TAFA2: variants seen among roughly 807,000 people sequenced by gnomAD.
TAFA2 encodes the protein chemokine-like protein TAFA-2.
A neutral mutation model predicts 18.8 loss-of-function variants in TAFA2; 7 were observed. That is an observed-to-expected ratio of 0.37 (90% CI 0.21 to 0.70). TAFA2 has a LOEUF of 0.70. Ranked by LOEUF, TAFA2 falls within the 30% of genes least tolerant of loss-of-function variation. The pLI is 0.53. For synonymous variants in TAFA2, 60 were observed against 54.2 expected (o/e 1.11, Z -0.47); for missense variants, 122 against 158.1 (o/e 0.77, Z 1.23).
chr12:62,085,131 T>G (rs964027399), intron 1 of TAFA2, among the ~76,000 whole-genome samples: 1 of 152,202 alleles, frequency 6.6e-6, no homozygotes, highest in Non-Finnish European at 1.5e-5. Context: ...AATTTTACTT[T>G]GTTGCTTCAT....
intron 1 of TAFA2, among the ~76,000 whole-genome samples, chr12:62,089,862 T>A (rs1868635594): frequency 6.6e-6 from 1 of 152,128 alleles, no homozygotes; most frequent in Admixed American, 6.5e-5. Context: ...ATATCATTCA[T>A]CTTGCCACCA....
intron 2 of TAFA2, among the ~76,000 whole-genome samples, chr12:61,848,546 C>T (rs1262631175): frequency 1.3e-5 from 2 of 151,974 alleles, no homozygotes; most frequent in African/African-American, 4.8e-5. Flanking sequence ...TTTGTTTTTA[C>T]TGTATGTTTT....
chr12:61,968,191 T>C (rs1245539028), intron 1 of TAFA2, among the ~76,000 whole-genome samples: 1 of 151,782 alleles, frequency 6.6e-6, no homozygotes, highest in Non-Finnish European at 1.5e-5. Context: ...CTTATTTTCT[T>C]TTTCTATATA....
At chr12:61,931,014 C>G (rs1592495413) in intron 1 of TAFA2, among the ~76,000 whole-genome samples, 2 of 152,314 alleles carry the variant, frequency 1.3e-5, no homozygotes, top group African/African-American at 4.8e-5. Flanking sequence ...AATGACTAGA[C>G]AGACAGATGA....
At chr12:62,021,995 C>A (rs1881157333) in intron 1 of TAFA2, 1 of 673,016 alleles carries the variant, frequency 1.5e-6, no homozygotes. Flanking sequence ...AGAGACTCTG[C>A]CTGGGCAATG....
At chr12:62,208,541 G>A (rs978614582) in intron 1 of TAFA2, among the ~76,000 whole-genome samples, 2 of 152,118 alleles carry the variant, frequency 1.3e-5, no homozygotes, top group East Asian at 1.9e-4. Context: ...AACTTGGTAG[G>A]CAGCAAGTAA....
intron 2 of TAFA2, among the ~76,000 whole-genome samples, chr12:61,797,088 T>C (rs1321016735): frequency 6.6e-6 from 1 of 152,180 alleles, no homozygotes; most frequent in African/African-American, 2.4e-5. Context: ...TCAGACTAGC[T>C]ACACTGGAAG....
In TAFA2 at chr12:61,939,953, T is replaced by A. The variant is rs1303586982; in HGVS notation, c.-1-72527A>T. Reference sequence around the variant, plus strand: ...CCTACAGAGAAACATGACAATAGATTTAACAGTGTTGTCTTACTCAGCTTC... The same window carrying A: ...CCTACAGAGAAACATGACAATAGATATAACAGTGTTGTCTTACTCAGCTTC... On this transcript the variant is annotated intron_variant, in intron 1 of 4. Transcript: ENST00000416284. 3.9e-5 allele frequency among the ~76,000 whole-genome samples: 6 copies of A among 152,218 alleles called. No individual in the cohort carries two copies. The East Asian group carries it at 1.2e-3, about 29-fold the overall frequency.
intron 2 of TAFA2, among the ~76,000 whole-genome samples, chr12:61,788,620 G>T (rs1281119205): frequency 1.3e-5 from 2 of 151,632 alleles, no homozygotes; most frequent in African/African-American, 4.8e-5. Context: ...AAAGAACTGG[G>T]TTTTTAAAAA....
At chr12:61,924,329 C>T (rs1157546163) in intron 1 of TAFA2, among the ~76,000 whole-genome samples, 1 of 152,152 alleles carries the variant, frequency 6.6e-6, no homozygotes, top group Non-Finnish European at 1.5e-5. Flanking sequence ...ATGTTAAGGG[C>T]AGCCAGAGAG....
intron 1 of TAFA2, among the ~76,000 whole-genome samples, chr12:61,989,815 A>C: frequency 6.6e-6 from 1 of 152,162 alleles, no homozygotes; most frequent in Admixed American, 6.5e-5. Flanking sequence ...GATACCAATT[A>C]CCCATGCTGG....
At chr12:61,818,333 A>C (rs905220032) in intron 2 of TAFA2, among the ~76,000 whole-genome samples, 3 of 152,158 alleles carry the variant, frequency 2.0e-5, no homozygotes, top group African/African-American at 7.2e-5. Context: ...CACAATAATT[A>C]TTTGCTTGGG....
intron 1 of TAFA2, among the ~76,000 whole-genome samples, chr12:62,255,681 C>G (rs899736897): frequency 1.0e-4 from 15 of 147,668 alleles, no homozygotes; most frequent in Middle Eastern, 3.6e-3. Context: ...GGTGAAACCC[C>G]ATCTCTACTA....
At chr12:61,877,901 TTTTATA>T (rs150230120) in intron 1 of TAFA2, among the ~76,000 whole-genome samples, 7 of 144,054 alleles carry the variant, frequency 4.9e-5, no homozygotes, top group East Asian at 2.0e-4. Context: ...AAATTGTGAT[TTTTATA>T]TATATATATA....
chr12:62,052,942 A>G (rs1470696801), intron 1 of TAFA2, among the ~76,000 whole-genome samples: 1 of 152,242 alleles, frequency 6.6e-6, no homozygotes, highest in Non-Finnish European at 1.5e-5. Context: ...TTCATAAATT[A>G]AATTAAACTA....
intron 1 of TAFA2, among the ~76,000 whole-genome samples, chr12:62,104,294 A>C (rs2136855075): frequency 6.6e-6 from 1 of 150,812 alleles, no homozygotes. Flanking sequence ...AAAAAAGCTA[A>C]TGTAATGGTC....
intron 1 of TAFA2, among the ~76,000 whole-genome samples, chr12:62,077,472 G>A (rs1868258005): frequency 6.6e-6 from 1 of 152,138 alleles, no homozygotes; most frequent in Non-Finnish European, 1.5e-5. Flanking sequence ...TTGCTAAAAG[G>A]AAAGTAATAT....
At chr12:62,122,563 T>C (rs566311216) in intron 1 of TAFA2, among the ~76,000 whole-genome samples, 2 of 152,274 alleles carry the variant, frequency 1.3e-5, no homozygotes, top group East Asian at 3.9e-4. Flanking sequence ...AAATAAGGCA[T>C]AAAGAGGTTA....
intron 1 of TAFA2, among the ~76,000 whole-genome samples, chr12:62,210,185 C>CTACA (rs2062707808): frequency 6.9e-6 from 1 of 144,332 alleles, no homozygotes; most frequent in Non-Finnish European, 1.5e-5. Flanking sequence ...GACTCTGTCT[C>CTACA]TAAATAAATA....
Sources: allele counts gnomAD v4.1 joint callset (sites outside exome capture counted in the v4.1 genomes callset), GRCh38; gene constraint gnomAD v4.1.1; transcripts MANE v1.5; gene names NCBI Gene and HGNC (gene_info 2026-07-23, HGNC 2026-07-21).